DPYSL3: variants seen among roughly 807,000 people sequenced by gnomAD.
DPYSL3 encodes the protein dihydropyrimidinase-related protein 3.
Under a neutral mutation model 66.1 loss-of-function variants are expected in DPYSL3, and 16 were observed. The ratio of observed to expected loss-of-function variants is 0.24; its 90% CI spans 0.16 to 0.37. The LOEUF (loss-of-function observed/expected upper bound fraction) is 0.37. DPYSL3 is among the 10% of genes least tolerant of loss of function. The probability of loss-of-function intolerance (pLI) is 1.00; values close to 1 mark genes in which losing one functional copy is unlikely to be tolerated. For missense variants in DPYSL3, 738 were observed against 916.2 expected (o/e 0.81, Z 2.51); for synonymous variants, 338 against 345.1 (o/e 0.98, Z 0.23).
At chr5:147,434,535 A>G (rs571654664) in intron 1 of DPYSL3, among the ~76,000 whole-genome samples, 1 of 152,318 alleles carries the variant, frequency 6.6e-6, no homozygotes, top group African/African-American at 2.4e-5. Context: ...CTTTATTCTA[A>G]GGGTAAACGA....
rs201787615 is a variant in DPYSL3 at position 147,415,770 on chromosome 5, C to T, written c.759G>A (p.Val253=). The change falls in exon 4 of 14, where the codon GTG becomes GTA. Residue 253 remains valine, a synonymous_variant. Transcript: ENST00000343218. ...GKSCCDYALH[V]DITHWNDSVK... The stretch of plus-strand genomic sequence containing the variant: ...CGCTGTCATTCCAGTGGGTGATGTC[C>T]ACATGCAGGGCATAGTCACAGCAAC... 6.2e-7 allele frequency: 1 copy of T among 1,614,044 alleles called. No homozygotes were observed. The highest frequency in any genetic ancestry group is 1.7e-5 in the Admixed American group (1 of 60,010).
At chr5:147,500,671 CA>C (rs1236365886) in intron 1 of DPYSL3, among the ~76,000 whole-genome samples, 1 of 150,892 alleles carries the variant, frequency 6.6e-6, no homozygotes, top group Non-Finnish European at 1.5e-5. Context: ...AAAAATGAGC[CA>C]AAGAGCTTAA....
intron 1 of DPYSL3, among the ~76,000 whole-genome samples, chr5:147,463,913 T>C (rs1444373519): frequency 2.0e-5 from 3 of 152,106 alleles, no homozygotes; most frequent in Non-Finnish European, 4.4e-5. Context: ...GGCACAGATT[T>C]GCCTTTGCTG....
chr5:147,509,273 A>C lies in DPYSL3; in HGVS notation c.381+205T>G, dbSNP rs1581223585. Among the ~76,000 whole-genome samples the C allele has an allele frequency of 6.6e-6, 1 of 152,324 alleles. No homozygotes were observed. The highest frequency in any genetic ancestry group is 1.5e-5 in the Non-Finnish European group (1 of 68,022). On this transcript the variant is annotated intron_variant, in intron 1 of 13. Coordinates refer to ENST00000343218, the MANE Select transcript of DPYSL3 (RefSeq NM_001197294.2). This position sits in a 1 kb window ranked among gnomAD's most constrained non-coding sequence, Gnocchi z 5.3. The stretch of plus-strand genomic sequence containing the variant: ...ACCCGGGCATCCCTTCCGCGCTTGC[A>C]CGAAGATGCTGCAAGTGGCGACACG...
chr5:147,463,807 G>C (rs1752969709), intron 1 of DPYSL3, among the ~76,000 whole-genome samples: 1 of 152,110 alleles, frequency 6.6e-6, no homozygotes, highest in African/African-American at 2.4e-5. Flanking sequence ...ATCCCTTAAA[G>C]ATACAAGCAG....
chr5:147,476,765 G>C (rs563525598), intron 1 of DPYSL3, among the ~76,000 whole-genome samples: 24 of 152,242 alleles, frequency 1.6e-4, no homozygotes, highest in African/African-American at 5.5e-4. Context: ...AAGACCCTCA[G>C]GTAAGTTTGA....
chr5:147,418,443 T>A lies in DPYSL3; in HGVS notation c.655+4A>T. 1 of 1,598,962 alleles carries A rather than the reference T, an allele frequency of 6.3e-7. No homozygotes were observed. Among genetic ancestry groups the A allele is most frequent in the Non-Finnish European group, 8.5e-7 (1 of 1,170,962 alleles). ...ACAGGAGTGTGTAAAATATGAAGAC[T>A]TACTGATCATGGTGGTGCCACCTGC... On this transcript the variant is annotated splice_donor_region_variant and intron_variant, in intron 3 of 13. Transcript: ENST00000343218.
chr5:147,450,953 G>C (rs1752716941), intron 1 of DPYSL3, among the ~76,000 whole-genome samples: 1 of 152,060 alleles, frequency 6.6e-6, no homozygotes, highest in Non-Finnish European at 1.5e-5. Context: ...GGGGGTATAT[G>C]TTATACTTAG....
chr5:147,445,606 G>A (rs1752616168), intron 1 of DPYSL3, among the ~76,000 whole-genome samples: 1 of 152,086 alleles, frequency 6.6e-6, no homozygotes, highest in Non-Finnish European at 1.5e-5. Context: ...CATGTACATG[G>A]CATGATTGGG....
chr5:147,453,629 C>G, intron 1 of DPYSL3: 1 of 1,521,072 alleles, frequency 6.6e-7, no homozygotes, highest in African/African-American at 1.4e-5. Flanking sequence ...CTCCCTCCTT[C>G]TTCTGCTCCG....
chr5:147,419,114 C>T (rs933020568), intron 2 of DPYSL3, among the ~76,000 whole-genome samples: 3 of 152,170 alleles, frequency 2.0e-5, no homozygotes, highest in African/African-American at 7.2e-5. Flanking sequence ...GTCATCTTTG[C>T]TCCTAACAAA....
intron 1 of DPYSL3, among the ~76,000 whole-genome samples, chr5:147,440,914 T>G (rs767358637): frequency 3.9e-4 from 60 of 152,330 alleles, no homozygotes; most frequent in Non-Finnish European, 6.0e-4. Flanking sequence ...AGTTAGTTAA[T>G]AATGATGTAA....
intron 1 of DPYSL3, among the ~76,000 whole-genome samples, chr5:147,426,376 G>T (rs1414451623): frequency 6.6e-6 from 1 of 152,084 alleles, no homozygotes; most frequent in Non-Finnish European, 1.5e-5. Flanking sequence ...CATTAAATCA[G>T]GTTGGGGAGG....
intron 1 of DPYSL3, chr5:147,473,152 C>T (rs1049427807): frequency 2.0e-5 from 3 of 152,152 alleles, no homozygotes; most frequent in Non-Finnish European, 4.4e-5. Flanking sequence ...AAGCAGGGCA[C>T]TTAAAGTCCT....
At chr5:147,495,700 A>T (rs902690166) in intron 1 of DPYSL3, among the ~76,000 whole-genome samples, 7 of 152,228 alleles carry the variant, frequency 4.6e-5, no homozygotes, top group Non-Finnish European at 8.8e-5. Context: ...AGGGATGTGA[A>T]GGGCCTCTTC....
chr5:147,503,600 G>T (rs1056516935), intron 1 of DPYSL3, among the ~76,000 whole-genome samples: 5 of 152,164 alleles, frequency 3.3e-5, no homozygotes, highest in African/African-American at 1.2e-4. Flanking sequence ...CCAGTCATAA[G>T]ATATTAATGT....
chr5:147,440,902 C>T (rs1714557914), intron 1 of DPYSL3, among the ~76,000 whole-genome samples: 1 of 152,110 alleles, frequency 6.6e-6, no homozygotes, highest in African/African-American at 2.4e-5. Flanking sequence ...CTTAGTTCTG[C>T]CAGTTAGTTA....
intron 1 of DPYSL3, among the ~76,000 whole-genome samples, chr5:147,455,910 TTGTGTG>T (rs72112283): frequency 6.1e-4 from 91 of 148,542 alleles, no homozygotes; most frequent in African/African-American, 1.9e-3. Context: ...GATCACTTGA[TTGTGTG>T]TGTGTGTGTG....
At chr5:147,466,007 A>G (rs1204815062) in intron 1 of DPYSL3, among the ~76,000 whole-genome samples, 1 of 152,218 alleles carries the variant, frequency 6.6e-6, no homozygotes, top group Non-Finnish European at 1.5e-5. Flanking sequence ...AAATATGTAC[A>G]TGGACAGACA....
Sources: gnomAD v4.1 joint callset for allele counts (sites outside exome capture counted in the v4.1 genomes callset) on GRCh38, gnomAD v4.1.1 for gene constraint, Gnocchi (gnomAD v3.1) non-coding constraint, MANE v1.5 for transcripts, NCBI Gene and HGNC (gene_info 2026-07-23, HGNC 2026-07-21) for gene names.